The following VPS13B variants were observed in gnomAD, a reference collection of about 807,000 sequenced individuals.
The protein encoded by VPS13B is vacuolar protein sorting 13 homolog B, also known as intermembrane lipid transfer protein VPS13B.
VPS13B carries 285 observed loss-of-function variants against 426.4 expected under a neutral mutation model. The observed-to-expected ratio is 0.67, with a 90% CI of 0.61 to 0.74. The LOEUF (loss-of-function observed/expected upper bound fraction) is 0.74, where lower values mean the gene tolerates loss of function less well. Ranked by LOEUF, VPS13B falls within the 30% of genes least tolerant of loss-of-function variation. The pLI, the probability that VPS13B is intolerant of heterozygous loss-of-function variation, is 0.00. For missense variants in VPS13B, 4,537 were observed against 4,782.6 expected (o/e 0.95, Z 1.51); for synonymous variants, 1,676 against 1,676.4 (o/e 1.00, Z 0.01).
chr8:99,608,594 A>G (rs892365105), intron 33 of VPS13B, among the ~76,000 whole-genome samples: 12 of 152,174 alleles, frequency 7.9e-5, no homozygotes, highest in African/African-American at 2.9e-4. Flanking sequence ...TAATTTTAAC[A>G]ACACATTCAA....
chr8:99,586,393 A>G (rs1826301326), intron 33 of VPS13B, among the ~76,000 whole-genome samples: 1 of 152,110 alleles, frequency 6.6e-6, no homozygotes, highest in Admixed American at 6.6e-5. Flanking sequence ...ATATCTATGC[A>G]CTTAACTCAC....
At chr8:99,769,754 A>G (rs183687518) in intron 40 of VPS13B, among the ~76,000 whole-genome samples, 2 of 152,324 alleles carry the variant, frequency 1.3e-5, no homozygotes, top group East Asian at 1.9e-4. Flanking sequence ...ACAATATGCT[A>G]TTTGGTGTTG....
Position 99,038,547 on chromosome 8 carries a change from A to T in VPS13B, c.272A>T (p.Lys91Ile). The T allele has an allele frequency of 6.2e-7, 1 of 1,612,904 alleles. No individual in the cohort carries two copies. Among genetic ancestry groups the T allele is most frequent in the Non-Finnish European group, 8.5e-7 (1 of 1,179,320 alleles). The change falls in exon 3 of 62, where the codon AAA becomes ATA. Residue 91 changes from lysine (K) to isoleucine (I), a missense_variant. Physicochemically the swap from Lys to Ile is moderately radical, Grantham distance 102. Around this residue, in one of 2 missense-constraint regions of VPS13B, gnomAD observed 226 missense variants for 308.3 expected, o/e 0.73. Coordinates refer to ENST00000357162, the MANE Select transcript of VPS13B (RefSeq NM_152564.5). ...ATCAATACTATGGAATGCATTTTGA[A>T]ACTTAAGGATGGGATACAGGTAAGA... The part of the protein sequence containing the change: ...ITINTMECIL[K>I]LKDGIQDDHE...
chr8:99,640,469 T>C (rs997429361), intron 33 of VPS13B, among the ~76,000 whole-genome samples: 6 of 152,062 alleles, frequency 3.9e-5, no homozygotes, highest in African/African-American at 1.2e-4. Context: ...GGTTTTGTCA[T>C]GTTGCCCAGC....
At chr8:99,294,707 G>A (rs1318811211) in intron 19 of VPS13B, among the ~76,000 whole-genome samples, 1 of 152,066 alleles carries the variant, frequency 6.6e-6, no homozygotes, top group East Asian at 1.9e-4. Flanking sequence ...TAAATCACTT[G>A]AGCTCAATTT....
intron 33 of VPS13B, among the ~76,000 whole-genome samples, chr8:99,586,607 G>A (rs1826311652): frequency 6.6e-6 from 1 of 152,062 alleles, no homozygotes; most frequent in South Asian, 2.1e-4. Context: ...TTTGAGTGGT[G>A]GTTTTGTGGG....
At chr8:99,061,155 T>C (rs1013643721) in intron 3 of VPS13B, among the ~76,000 whole-genome samples, 5 of 152,178 alleles carry the variant, frequency 3.3e-5, no homozygotes, top group Non-Finnish European at 5.9e-5. Flanking sequence ...ATTAAAGACA[T>C]AAGGAACACA....
intron 19 of VPS13B, among the ~76,000 whole-genome samples, chr8:99,360,193 TCTCTCTCTCTC>T: frequency 2.6e-5 from 1 of 38,052 alleles, no homozygotes; most frequent in African/African-American, 1.4e-4. Flanking sequence ...TTTCTTTCTC[TCTCTCTCTCTC>T]TCTCTCTTTC....
Position 99,784,420 on chromosome 8 carries a change from C to T in VPS13B, c.7885C>T (p.Leu2629=). 1 of 1,613,726 alleles carries T rather than the reference C, an allele frequency of 6.2e-7. No homozygotes were observed. Among genetic ancestry groups the T allele is most frequent in the Non-Finnish European group, 8.5e-7 (1 of 1,179,722 alleles). ...FGQVDTDENI[L]LASLHSHQYS... ...CCAGGTGGATACTGATGAAAATATT[C>T]TGCTGGCGAGTCTCCACAGTCACCA... Residue 2629 remains leucine, a synonymous_variant, in exon 43 of 62, where the codon CTG becomes TTG. Coordinates refer to ENST00000357162, the MANE Select transcript of VPS13B (RefSeq NM_152564.5).
chr8:99,492,259 G>A (rs563358463), intron 25 of VPS13B, among the ~76,000 whole-genome samples: 7 of 152,242 alleles, frequency 4.6e-5, no homozygotes, highest in African/African-American at 1.2e-4. Context: ...AGGGGCATCC[G>A]CCTGTATGAG....
At chr8:99,268,488 A>G (rs1051942898) in intron 17 of VPS13B, among the ~76,000 whole-genome samples, 1 of 152,250 alleles carries the variant, frequency 6.6e-6, no homozygotes, top group Non-Finnish European at 1.5e-5. Context: ...TGATCTGGAT[A>G]TGAGACATGG....
intron 23 of VPS13B, among the ~76,000 whole-genome samples, chr8:99,443,992 G>A (rs967398870): frequency 3.5e-4 from 52 of 147,016 alleles, no homozygotes; most frequent in African/African-American, 1.2e-3. Flanking sequence ...TATCCGCTTT[G>A]TTTCTTTTTC....
intron 30 of VPS13B, among the ~76,000 whole-genome samples, chr8:99,554,888 C>G (rs1364070315): frequency 6.6e-6 from 1 of 151,996 alleles, no homozygotes; most frequent in Non-Finnish European, 1.5e-5. Flanking sequence ...ACTTATGAGC[C>G]CTATTTCTCA....
chr8:99,062,338 T>C (rs1470365441), intron 3 of VPS13B, among the ~76,000 whole-genome samples: 1 of 152,242 alleles, frequency 6.6e-6, no homozygotes, highest in Non-Finnish European at 1.5e-5. Flanking sequence ...AATTTTCATG[T>C]GCGTCAAAAC....
At chr8:99,807,681 G>GTA (rs1813473978) in intron 43 of VPS13B, among the ~76,000 whole-genome samples, 1 of 150,584 alleles carries the variant, frequency 6.6e-6, no homozygotes, top group Admixed American at 6.6e-5. Context: ...GTGTGTTTGT[G>GTA]TGTGTGTGTG....
At chr8:99,166,392 T>C (rs1202048228) in intron 15 of VPS13B, among the ~76,000 whole-genome samples, 2 of 152,206 alleles carry the variant, frequency 1.3e-5, no homozygotes, top group Non-Finnish European at 2.9e-5. Context: ...ATTATAAATG[T>C]TTATGTGTAA....
rs185288633 is a variant in VPS13B at position 99,310,325 on chromosome 8, T to G, written c.2824+35071T>G. On this transcript the variant is annotated intron_variant, in intron 19 of 61. Transcript: ENST00000357162. ...TATGATATTGGCTGTGCATTTGTCATAAATAGCTGTTATTATTTTGAGATA... is the reference window on the plus strand; with the variant it reads ...TATGATATTGGCTGTGCATTTGTCAGAAATAGCTGTTATTATTTTGAGATA... Among the ~76,000 whole-genome samples, 15 of 152,352 alleles carry G rather than the reference T, an allele frequency of 9.8e-5. No homozygotes were observed. The East Asian group carries it at 2.7e-3, about 27-fold the overall frequency.
intron 15 of VPS13B, among the ~76,000 whole-genome samples, chr8:99,166,162 G>A (rs1811991676): frequency 6.6e-6 from 1 of 152,024 alleles, no homozygotes; most frequent in African/African-American, 2.4e-5. Flanking sequence ...TGTATTTTTA[G>A]TGGAGACGGG....
At chr8:99,644,211 T>C (rs748909672) in intron 34 of VPS13B, among the ~76,000 whole-genome samples, 9 of 152,148 alleles carry the variant, frequency 5.9e-5, no homozygotes, top group Non-Finnish European at 1.2e-4. Context: ...ATACTCTGTA[T>C]ATAACCTCAA....
Sources: allele counts gnomAD v4.1 joint callset (sites outside exome capture counted in the v4.1 genomes callset), GRCh38; gene constraint gnomAD v4.1.1; regional missense constraint gnomAD v4.1.1; transcripts MANE v1.5; gene names NCBI Gene and HGNC (gene_info 2026-07-23, HGNC 2026-07-21).